Variants in SWAP70 observed in about 807,000 individuals in gnomAD.
SWAP70 encodes the protein switching B cell complex subunit SWAP70, also known as switch-associated protein 70.
Under a neutral mutation model 80.2 loss-of-function variants are expected in SWAP70, and 34 were observed. The ratio of observed to expected loss-of-function variants is 0.42; its 90% CI spans 0.32 to 0.56. SWAP70 has a LOEUF of 0.56. SWAP70 is among the 20% of genes least tolerant of loss of function. The pLI, the probability that SWAP70 is intolerant of heterozygous loss-of-function variation, is 0.09. For synonymous variants in SWAP70, 239 were observed against 238.5 expected, an observed-to-expected ratio of 1.00 and a Z score of -0.02; for missense variants, 578 against 690.7, an observed-to-expected ratio of 0.84 and a Z score of 1.83.
At chr11:9,705,595 G>T (rs1183995362) in intron 2 of SWAP70, among the ~76,000 whole-genome samples, 2 of 134,218 alleles carry the variant, frequency 1.5e-5, no homozygotes, top group Non-Finnish European at 3.1e-5. Context: ...TGTACACTTG[G>T]TGATCTGTAT....
intron 2 of SWAP70, 115 bp from the exon 3 acceptor site, chr11:9,713,351 T>A: frequency 1.9e-6 from 2 of 1,055,776 alleles, no homozygotes; most frequent in Non-Finnish European, 2.7e-6. Context: ...TGGCTGTTGG[T>A]TAATTGGATT....
chr11:9,732,746 A>G, intron 7 of SWAP70, 36 bp downstream of exon 7: 1 of 1,511,968 alleles, frequency 6.6e-7, no homozygotes, highest in Non-Finnish European at 8.8e-7. Flanking sequence ...AGGGCCCTTC[A>G]TTCCCCTGCA....
chr11:9,737,578 A>T (rs1436828626), intron 7 of SWAP70, among the ~76,000 whole-genome samples: 2 of 152,194 alleles, frequency 1.3e-5, no homozygotes, highest in African/African-American at 4.8e-5. Flanking sequence ...AACTGTACAG[A>T]AAGAGCTCAA....
Position 9,728,195 on chromosome 11 carries a change from T to C in SWAP70, c.785T>C (p.Val262Ala), listed in dbSNP as rs899269458. Residue 262 changes from valine to alanine, a missense_variant, in exon 5 of 12, where the codon GTA (valine) becomes GCA (alanine). Coordinates refer to ENST00000318950, the MANE Select transcript of SWAP70 (RefSeq NM_015055.4). ...ATTCTCTTGGATGAAAATTGCTGTG[T>C]AGAGGTGAGTCTACTCTTACTTCTT... ...GDILLDENCC[V>A]ESLPDKDGKK... 1 of 1,605,938 alleles carries C rather than the reference T, an allele frequency of 6.2e-7. No homozygotes were observed. Among genetic ancestry groups the C allele is most frequent in the African/African-American group, 1.3e-5 (1 of 74,374 alleles).
At chr11:9,710,580 G>T (rs1182437103) in intron 2 of SWAP70, among the ~76,000 whole-genome samples, 1 of 151,530 alleles carries the variant, frequency 6.6e-6, no homozygotes, top group East Asian at 1.9e-4. Flanking sequence ...TTTCTAAAAA[G>T]AAATGCTTCG....
intron 1 of SWAP70, among the ~76,000 whole-genome samples, chr11:9,678,479 G>GT (rs57320807): frequency 0.042 from 3,479 of 82,046 alleles, 118 homozygotes; most frequent in African/African-American, 0.14. Flanking sequence ...ACATTTTTAT[G>GT]TTTTTTTTTT....
intron 1 of SWAP70, among the ~76,000 whole-genome samples, chr11:9,680,445 C>T (rs1006630440): frequency 1.3e-4 from 20 of 152,068 alleles, no homozygotes; most frequent in Admixed American, 1.2e-3. Context: ...GATGGAGTTT[C>T]GCTCTTGTCA....
chr11:9,732,407 A>G, intron 6 of SWAP70, 122 bp from the exon 7 acceptor site: 2 of 1,026,338 alleles, frequency 1.9e-6, no homozygotes. Context: ...ACAAAATCAG[A>G]ATCTACACTG....
At chr11:9,712,062 T>A (rs1851005511) in intron 2 of SWAP70, among the ~76,000 whole-genome samples, 1 of 152,166 alleles carries the variant, frequency 6.6e-6, no homozygotes, top group African/African-American at 2.4e-5. Context: ...AACTCAGCTC[T>A]GTTGTCCTGT....
chr11:9,743,674 G>A (rs879771431), intron 9 of SWAP70, among the ~76,000 whole-genome samples: 21 of 151,756 alleles, frequency 1.4e-4, no homozygotes, highest in South Asian at 8.3e-4. Context: ...TTTTTCATGT[G>A]TTTTTTGGCT....
Position 9,750,078 on chromosome 11 carries a change from C to T in SWAP70, c.*108C>T. 2 of 725,088 alleles carry T rather than the reference C, an allele frequency of 2.8e-6. No homozygotes were observed. The highest frequency in any genetic ancestry group is 3.4e-5 in the South Asian group (2 of 58,024). 44.9% of individuals were successfully genotyped at this position (725,088 alleles called of 1,614,324 possible). ...GGGGGCCGGGCGTGGTGGCTCACGC[C>T]TGTAATCCCAGCACTTTGGGAGGCC... On this transcript the variant is annotated 3_prime_UTR_variant, in exon 12 of 12. Coordinates refer to ENST00000318950, the MANE Select transcript of SWAP70 (RefSeq NM_015055.4).
intron 1 of SWAP70, among the ~76,000 whole-genome samples, chr11:9,677,864 A>G (rs867096455): frequency 6.6e-6 from 1 of 151,772 alleles, no homozygotes; most frequent in African/African-American, 2.4e-5. Context: ...TATTTTCTCA[A>G]TGATAGATTT....
Position 9,664,130 on chromosome 11 carries a change from G to T in SWAP70, c.-50G>T. 3 of 1,514,600 alleles carry T rather than the reference G, an allele frequency of 2.0e-6. No individual in the cohort carries two copies. The highest frequency in any genetic ancestry group is 2.7e-6 in the Non-Finnish European group (3 of 1,128,248). 93.8% of individuals were successfully genotyped at this position (1,514,600 alleles called of 1,614,324 possible). ...GGAGGTTGAGGGGCGTCCGAGGCGC[G>T]GAGGGGCTGGCTGGGCAGGAGGGGT... is the stretch of plus-strand genomic sequence containing the variant. On this transcript the variant is annotated 5_prime_UTR_variant, in exon 1 of 12. Transcript: ENST00000318950.
At chr11:9,735,764 T>C (rs1851355579) in intron 7 of SWAP70, among the ~76,000 whole-genome samples, 1 of 152,232 alleles carries the variant, frequency 6.6e-6, no homozygotes, top group Admixed American at 6.5e-5. Context: ...AGTTCCCTTG[T>C]GTGTGGTAAA....
chr11:9,742,398 G>A (rs925681190), intron 9 of SWAP70, among the ~76,000 whole-genome samples: 8 of 151,640 alleles, frequency 5.3e-5, no homozygotes, highest in Non-Finnish European at 8.8e-5. Flanking sequence ...GTGCAGTGGC[G>A]TGATCTCGGC....
chr11:9,726,204 T>A (rs1455308178), intron 4 of SWAP70, among the ~76,000 whole-genome samples: 2 of 152,222 alleles, frequency 1.3e-5, no homozygotes, highest in Non-Finnish European at 2.9e-5. Context: ...GCAAAGTTGC[T>A]TTTGTCTTAT....
chr11:9,730,781 T>G (rs1270051712), intron 6 of SWAP70, among the ~76,000 whole-genome samples: 1 of 152,124 alleles, frequency 6.6e-6, no homozygotes, highest in Non-Finnish European at 1.5e-5. Context: ...TAAAAAAAAT[T>G]TCAACTTTTA....
intron 1 of SWAP70, among the ~76,000 whole-genome samples, chr11:9,668,275 G>A (rs1275988151): frequency 1.3e-5 from 2 of 152,172 alleles, no homozygotes; most frequent in African/African-American, 4.8e-5. Context: ...TTACTTTGAT[G>A]ATACTTTATT....
chr11:9,700,204 C>A (rs943869814), intron 2 of SWAP70, among the ~76,000 whole-genome samples: 5 of 151,976 alleles, frequency 3.3e-5, no homozygotes, highest in African/African-American at 1.2e-4. Flanking sequence ...TTTTAAAAGT[C>A]AAAAATGAGC....
Sources: gnomAD v4.1 joint callset for allele counts (sites outside exome capture counted in the v4.1 genomes callset) on GRCh38, gnomAD v4.1.1 for gene constraint, MANE v1.5 for transcripts, NCBI Gene and HGNC (gene_info 2026-07-23, HGNC 2026-07-21) for gene names.